Variants in ERO1A observed in about 807,000 individuals in gnomAD.
The protein encoded by ERO1A is ERO1-like protein alpha.
In ERO1A, 49 loss-of-function variants were observed where a neutral mutation model predicts 76.9. The observed-to-expected ratio is 0.64, with a 90% CI of 0.51 to 0.81. The LOEUF (loss-of-function observed/expected upper bound fraction) is 0.81. ERO1A is among the 30% of genes least tolerant of loss of function. ERO1A has a pLI of 0.00. For missense variants in ERO1A, 448 were observed against 542.1 expected, an observed-to-expected ratio of 0.83 and a Z score of 1.72; for synonymous variants, 174 against 181.2, an observed-to-expected ratio of 0.96 and a Z score of 0.32.
chr14:52,663,358 C>T (rs899687373), intron 8 of ERO1A, among the ~76,000 whole-genome samples: 1 of 151,858 alleles, frequency 6.6e-6, no homozygotes, highest in African/African-American at 2.4e-5. Context: ...CCAGCACTTT[C>T]GGAGGCCGAG....
intron 1 of ERO1A, among the ~76,000 whole-genome samples, chr14:52,686,303 T>C (rs1379925674): frequency 2.0e-5 from 3 of 152,202 alleles, no homozygotes; most frequent in Non-Finnish European, 2.9e-5. Flanking sequence ...AGCACCATAC[T>C]GTCTCATTAA....
intron 1 of ERO1A, among the ~76,000 whole-genome samples, chr14:52,690,807 A>G (rs1046026017): frequency 6.6e-6 from 1 of 152,198 alleles, no homozygotes; most frequent in African/African-American, 2.4e-5. Flanking sequence ...TGCTCTTGTC[A>G]TCCAGGCTGG....
intron 15 of ERO1A, 108 bp downstream of exon 15, chr14:52,646,046 A>G: frequency 7.9e-7 from 1 of 1,270,230 alleles, no homozygotes; most frequent in South Asian, 1.7e-5. Flanking sequence ...AAAAATAAAT[A>G]AACAAATAAA....
intron 13 of ERO1A, among the ~76,000 whole-genome samples, chr14:52,648,390 T>C (rs944756050): frequency 6.6e-6 from 1 of 152,158 alleles, no homozygotes; most frequent in East Asian, 1.9e-4. Flanking sequence ...CTAAAGAACA[T>C]GTTCCCATCC....
intron 1 of ERO1A, among the ~76,000 whole-genome samples, chr14:52,693,002 CT>C (rs559143853): frequency 0.017 from 1,464 of 85,728 alleles, 5 homozygotes; most frequent in Admixed American, 0.049. Context: ...AAATAGACAA[CT>C]TTTTTTTTTT....
intron 8 of ERO1A, among the ~76,000 whole-genome samples, chr14:52,662,214 GTGGT>G (rs2040256059): frequency 1.3e-5 from 2 of 152,072 alleles, no homozygotes; most frequent in South Asian, 4.1e-4. Flanking sequence ...GGTAAGTGAC[GTGGT>G]TAATTACTTT....
chr14:52,646,367 T>C lies in ERO1A; in HGVS notation c.1212+8A>G, dbSNP rs756903858. The C allele has an allele frequency of 5.0e-6, 8 of 1,608,464 alleles. No homozygotes were observed. The highest frequency in any genetic ancestry group is 4.2e-6 in the Non-Finnish European group (5 of 1,178,302). Reference sequence around the variant, plus strand: ...AAATGAGAAATAGGAATGACTAAATTTGCTTACCTGAAGCTTTCCCCACAG... The same window carrying C: ...AAATGAGAAATAGGAATGACTAAATCTGCTTACCTGAAGCTTTCCCCACAG... On this transcript the variant is annotated splice_region_variant and intron_variant, in intron 14 of 15. Transcript: ENST00000395686.
In ERO1A at chr14:52,640,474, A is replaced by T. The variant is rs1216762980; in HGVS notation, c.*3096T>A. The T allele has an allele frequency of 1.3e-5, 2 of 152,238 alleles. No homozygotes were observed. Among genetic ancestry groups the T allele is most frequent in the Non-Finnish European group, 2.9e-5 (2 of 68,050 alleles). The allele number at this position is 152,238 out of a possible 1,614,324, so 9.4% of individuals were successfully genotyped here. On this transcript the variant is annotated 3_prime_UTR_variant, in exon 16 of 16. Transcript: ENST00000395686. ...CCAGAACATTCGGTGGAGGAAACAC[A>T]TCAGAAGACCTTGTACACCAAACAG...
chr14:52,690,417 C>G (rs1243058579), intron 1 of ERO1A, among the ~76,000 whole-genome samples: 1 of 152,156 alleles, frequency 6.6e-6, no homozygotes, highest in African/African-American at 2.4e-5. Context: ...TCATACAACT[C>G]AACAACAAAA....
In ERO1A at chr14:52,678,033, A is replaced by T. The variant is rs1466083950; in HGVS notation, c.357+401T>A. Among the ~76,000 whole-genome samples, 5 of 152,284 alleles carry T rather than the reference A, an allele frequency of 3.3e-5. No individual in the cohort carries two copies. The East Asian group carries it at 9.6e-4, about 29-fold the overall frequency. On this transcript the variant is annotated intron_variant, in intron 4 of 15. Transcript: ENST00000395686. ...ATAATCCCAGCACTTTGGGAGGCCAAGACGGGCGGATCACCAGAGGTCGGC... is the reference window on the plus strand; with the variant it reads ...ATAATCCCAGCACTTTGGGAGGCCATGACGGGCGGATCACCAGAGGTCGGC...
chr14:52,667,448 G>T (rs1049027629), intron 6 of ERO1A, among the ~76,000 whole-genome samples: 1 of 152,098 alleles, frequency 6.6e-6, no homozygotes, highest in Non-Finnish European at 1.5e-5. Flanking sequence ...GGGTGGGCAC[G>T]ATGGTTCATG....
chr14:52,679,402 T>C (rs1051072605), intron 3 of ERO1A, among the ~76,000 whole-genome samples: 1 of 148,884 alleles, frequency 6.7e-6, no homozygotes, highest in African/African-American at 2.5e-5. Context: ...TTTAGATGGA[T>C]AAATACCTTC....
Position 52,640,922 on chromosome 14 carries a change from A to AAGAT in ERO1A, c.*2644_*2647dup, listed in dbSNP as rs1282999135. On this transcript the variant is annotated 3_prime_UTR_variant, in exon 16 of 16. Transcript: ENST00000395686. Reference sequence around the variant, plus strand: ...GCAGATGGATTGAGGAGTCTGGCTAAAGATAAGGATTTAGGAACTGCTGAA... The same window carrying AAGAT: ...GCAGATGGATTGAGGAGTCTGGCTAAAGATAGATAAGGATTTAGGAACTGCTGAA... 2.0e-5 allele frequency: 3 copies of AAGAT among 152,142 alleles called. No homozygotes were observed. The highest frequency in any genetic ancestry group is 7.2e-5 in the African/African-American group (3 of 41,448). The allele number at this position is 152,142 out of a possible 1,614,324, so 9.4% of individuals were successfully genotyped here.
chr14:52,687,193 A>T (rs1380369455), intron 1 of ERO1A, among the ~76,000 whole-genome samples: 1 of 152,204 alleles, frequency 6.6e-6, no homozygotes, highest in East Asian at 1.9e-4. Flanking sequence ...TGGGAGGCCA[A>T]GGTTGGTAGG....
rs1252537467 is a variant in ERO1A, at chr14:52,643,518, CCA to C, written c.*50_*51del. 1.1e-5 allele frequency: 13 copies of C among 1,216,296 alleles called. No individual in the cohort carries two copies. Among genetic ancestry groups the C allele is most frequent in the Admixed American group, 6.4e-5 (2 of 31,146 alleles). The allele number at this position is 1,216,296 out of a possible 1,614,324, so 75.3% of individuals were successfully genotyped here. ...TGCTATTATGCCTTTGAATGAAATTCCACTCTTTCGCCTCCATTGTCCAGAAA... is the reference window on the plus strand; with the variant it reads ...TGCTATTATGCCTTTGAATGAAATTCCTCTTTCGCCTCCATTGTCCAGAAA... On this transcript the variant is annotated 3_prime_UTR_variant, in exon 16 of 16. Transcript: ENST00000395686.
chr14:52,680,149 C>T (rs1230656668), intron 3 of ERO1A, among the ~76,000 whole-genome samples: 1 of 150,182 alleles, frequency 6.7e-6, no homozygotes, highest in Non-Finnish European at 1.5e-5. Context: ...TTCTTCCCAG[C>T]TCTGCAGAAG....
chr14:52,641,181 A>AATT lies in ERO1A; in HGVS notation c.*2386_*2388dup, dbSNP rs1168714582. The AATT allele has an allele frequency of 6.6e-6, 1 of 152,186 alleles. No individual in the cohort carries two copies. Among genetic ancestry groups the AATT allele is most frequent in the Non-Finnish European group, 1.5e-5 (1 of 68,044 alleles). 9.4% of individuals were successfully genotyped at this position (152,186 alleles called of 1,614,324 possible). A position where few individuals can be genotyped will look rare whatever the true frequency, so the allele number is the denominator to read the frequency against. On this transcript the variant is annotated 3_prime_UTR_variant, in exon 16 of 16. Transcript: ENST00000395686. ...CTTGTGAATTAAACTGTGGATTTAG[A>AATT]ATTAAGATTTTAGACTTTACAGGAA...
At chr14:52,670,635 A>G (rs1161759651) in intron 6 of ERO1A, among the ~76,000 whole-genome samples, 3 of 152,240 alleles carry the variant, frequency 2.0e-5, no homozygotes, top group Admixed American at 2.0e-4. Flanking sequence ...TAACGGTTCA[A>G]TATTCACTTC....
chr14:52,676,773 A>G (rs2040798312), intron 4 of ERO1A, among the ~76,000 whole-genome samples: 1 of 151,634 alleles, frequency 6.6e-6, no homozygotes, highest in Non-Finnish European at 1.5e-5. Context: ...CGTGGCTCAC[A>G]CCTGTAATCC....
Sources: allele counts gnomAD v4.1 joint callset (sites outside exome capture counted in the v4.1 genomes callset), GRCh38; gene constraint gnomAD v4.1.1; transcripts MANE v1.5; gene names NCBI Gene and HGNC (gene_info 2026-07-23, HGNC 2026-07-21).